SGCD: variants seen among roughly 807,000 people sequenced by gnomAD.
The protein encoded by SGCD is delta-sarcoglycan.
In SGCD, 18 loss-of-function variants were observed where a neutral mutation model predicts 36.6. The ratio of observed to expected loss-of-function variants is 0.49; its 90% CI spans 0.34 to 0.73. The LOEUF (loss-of-function observed/expected upper bound fraction) is 0.73. Ranked by LOEUF, SGCD falls within the 30% of genes least tolerant of loss-of-function variation. The probability of loss-of-function intolerance (pLI) is 0.01; values close to 1 mark genes in which losing one functional copy is unlikely to be tolerated. For synonymous variants in SGCD, 133 were observed against 130.6 expected (o/e 1.02, Z -0.12); for missense variants, 387 against 346.7 (o/e 1.12, Z -0.92).
chr5:156,074,649 A>C (rs1423686715), intron 1 of SGCD, among the ~76,000 whole-genome samples: 1 of 152,142 alleles, frequency 6.6e-6, no homozygotes, highest in Non-Finnish European at 1.5e-5. Flanking sequence ...CACTGCACTC[A>C]AGCCCGGGCA....
At chr5:156,335,946 C>T (rs1214783793) in intron 2 of SGCD, among the ~76,000 whole-genome samples, 1 of 152,208 alleles carries the variant, frequency 6.6e-6, no homozygotes, top group Non-Finnish European at 1.5e-5. Context: ...ATTCTCGCTC[C>T]TACAACCCAT....
chr5:155,836,799 T>C, the SGCD span, among the ~76,000 whole-genome samples: 7 of 152,358 alleles, frequency 4.6e-5, no homozygotes, highest in Middle Eastern at 3.4e-3. Context: ...GCAAGTGTTT[T>C]ACAAGTGGAT....
At chr5:156,069,263 A>T (rs552048950) in intron 1 of SGCD, among the ~76,000 whole-genome samples, 3 of 151,964 alleles carry the variant, frequency 2.0e-5, no homozygotes, top group African/African-American at 4.8e-5. Flanking sequence ...TTAGGTCTAA[A>T]GTTTAAGTCT....
chr5:156,532,945 T>C (rs992608602), intron 4 of SGCD, among the ~76,000 whole-genome samples: 1 of 152,228 alleles, frequency 6.6e-6, no homozygotes, highest in African/African-American at 2.4e-5. Flanking sequence ...AGTCAAAGGC[T>C]TAGAAAGGCA....
chr5:155,828,589 C>G, the SGCD span, among the ~76,000 whole-genome samples: 7 of 152,166 alleles, frequency 4.6e-5, no homozygotes, highest in Non-Finnish European at 1.0e-4. Flanking sequence ...GAAGAACAAC[C>G]CTTCTTCTTC....
intron 1 of SGCD, among the ~76,000 whole-genome samples, chr5:155,989,846 T>C (rs1014466261): frequency 1.3e-5 from 2 of 152,200 alleles, no homozygotes; most frequent in African/African-American, 4.8e-5. Context: ...TGGGCACATA[T>C]AATACAGGAC....
intron 3 of SGCD, among the ~76,000 whole-genome samples, chr5:156,180,862 A>G (rs1265013172): frequency 6.6e-6 from 1 of 152,224 alleles, no homozygotes; most frequent in African/African-American, 2.4e-5. Flanking sequence ...AGAACTGCAC[A>G]AGAGCAAAGG....
chr5:156,257,164 AAAATAAAT>A lies in SGCD; in HGVS notation c.-43-72350_-43-72343del, dbSNP rs71577192. On this transcript the variant is annotated intron_variant, in intron 3 of 9. Coordinates refer to the SGCD transcript ENST00000517913. ...GTACTCCAGCCTGGACCCTGTCTTC[AAAATAAAT>A]AAATAAATAAATAAATAAAAGGCCA... Among the ~76,000 whole-genome samples the A allele has an allele frequency of 3.4e-5, 5 of 147,950 alleles. No homozygotes were observed. The East Asian group carries it at 6.0e-4, about 18-fold the overall frequency.
chr5:155,943,151 C>G (rs557819822), intron 1 of SGCD, among the ~76,000 whole-genome samples: 21 of 152,274 alleles, frequency 1.4e-4, no homozygotes, highest in Admixed American at 1.1e-3. Context: ...TGGTTTGAAT[C>G]ACTTACTAGC....
At chr5:155,730,445 CTGTGTGTGTG>C in the SGCD span, among the ~76,000 whole-genome samples, 7 of 137,192 alleles carry the variant, frequency 5.1e-5, no homozygotes, top group African/African-American at 8.3e-5. Context: ...GGTAGAGCAG[CTGTGTGTGTG>C]TGTGTGTGTG....
intron 3 of SGCD, among the ~76,000 whole-genome samples, chr5:156,271,777 T>C (rs1766188695): frequency 6.6e-6 from 1 of 152,124 alleles, no homozygotes; most frequent in South Asian, 2.1e-4. Context: ...TTGCATACAG[T>C]CTAAAGTTAG....
chr5:156,016,142 C>A (rs1581043518), intron 1 of SGCD, among the ~76,000 whole-genome samples: 1 of 152,050 alleles, frequency 6.6e-6, no homozygotes, highest in African/African-American at 2.4e-5. Flanking sequence ...CTGCAATACA[C>A]ATGTAATAGG....
chr5:156,281,609 A>G (rs1766455288), intron 3 of SGCD, among the ~76,000 whole-genome samples: 1 of 152,220 alleles, frequency 6.6e-6, no homozygotes, highest in Non-Finnish European at 1.5e-5. Context: ...CTCTCCTGCC[A>G]AGAAAAACTT....
intron 3 of SGCD, among the ~76,000 whole-genome samples, chr5:156,404,940 A>T (rs1772332749): frequency 6.6e-6 from 1 of 152,188 alleles, no homozygotes; most frequent in South Asian, 2.1e-4. Flanking sequence ...TTCTGTGATT[A>T]TGTTATTGCC....
At chr5:155,871,820 G>A (rs1167800653) in intron 1 of SGCD, among the ~76,000 whole-genome samples, 1 of 152,194 alleles carries the variant, frequency 6.6e-6, no homozygotes, top group Non-Finnish European at 1.5e-5. Context: ...GCTGACAAGA[G>A]TTAGGTCATT....
intron 1 of SGCD, among the ~76,000 whole-genome samples, chr5:155,974,918 C>G (rs1051350675): frequency 5.9e-5 from 9 of 152,094 alleles, no homozygotes; most frequent in Non-Finnish European, 1.2e-4. Flanking sequence ...ATTATCTCTT[C>G]TTTTCCTTTC....
At chr5:156,029,048 C>T (rs1443516581) in intron 1 of SGCD, among the ~76,000 whole-genome samples, 1 of 151,740 alleles carries the variant, frequency 6.6e-6, no homozygotes, top group African/African-American at 2.4e-5. Context: ...TTTTAGAGTG[C>T]AATTAGAGAA....
chr5:156,573,170 A>G (rs913619243), intron 4 of SGCD, among the ~76,000 whole-genome samples: 1 of 152,200 alleles, frequency 6.6e-6, no homozygotes, highest in African/African-American at 2.4e-5. Flanking sequence ...AATTGGAAGC[A>G]CATACTGTAC....
intron 3 of SGCD, among the ~76,000 whole-genome samples, chr5:156,365,321 C>G (rs1770036101): frequency 6.6e-6 from 1 of 152,170 alleles, no homozygotes; most frequent in African/African-American, 2.4e-5. Context: ...TCAGTCTTTT[C>G]CCAGACTCTG....
Sources: allele counts gnomAD v4.1 joint callset (sites outside exome capture counted in the v4.1 genomes callset), GRCh38; gene constraint gnomAD v4.1.1; transcripts MANE v1.5; gene names NCBI Gene and HGNC (gene_info 2026-07-23, HGNC 2026-07-21).